TBL3: variants seen among roughly 807,000 people sequenced by gnomAD.
TBL3 encodes transducin beta-like protein 3.
TBL3 carries 71 observed loss-of-function variants against 102.7 expected under a neutral mutation model. The ratio of observed to expected loss-of-function variants is 0.69; its 90% CI spans 0.57 to 0.84. The LOEUF (loss-of-function observed/expected upper bound fraction) is 0.84. TBL3 is among the 40% of genes least tolerant of loss of function. The pLI, the probability that TBL3 is intolerant of heterozygous loss-of-function variation, is 0.00. For synonymous variants in TBL3, 578 were observed against 477.7 expected, an observed-to-expected ratio of 1.21 and a Z score of -2.74; for missense variants, 1,188 against 1,098.5, an observed-to-expected ratio of 1.08 and a Z score of -1.15.
In TBL3 at chr16:1,978,302, G is replaced by A; in HGVS notation, c.2135-11G>A. The A allele has an allele frequency of 6.2e-7, 1 of 1,609,964 alleles. No homozygotes were observed. Among genetic ancestry groups the A allele is most frequent in the South Asian group, 1.1e-5 (1 of 90,720 alleles). ...GGCTGGGCAAGACGATGAGGGTCCT[G>A]TTGCCCACAGAGGCCCTGCTGCGCT... On this transcript the variant is annotated splice_polypyrimidine_tract_variant and intron_variant, in intron 20 of 21. Transcript: ENST00000568546.
chr16:1,977,700 G>C (rs996462308), intron 17 of TBL3, 30 bp downstream of exon 17: 5 of 1,551,830 alleles, frequency 3.2e-6, no homozygotes, highest in Non-Finnish European at 3.5e-6. Flanking sequence ...GGGAAGAGTC[G>C]GGGTGGAGTG....
chr16:1,974,614 A>G lies in TBL3; in HGVS notation c.314A>G (p.Lys105Arg), dbSNP rs1164511976. 4 of 1,611,430 alleles carry G rather than the reference A, an allele frequency of 2.5e-6. No individual in the cohort carries two copies. In the East Asian group the frequency reaches 6.7e-5, roughly 27 times the overall value. Reference protein sequence around the residue: ...WQEGSVTRLWKAIHTAPVATM... With the variant: ...WQEGSVTRLWRAIHTAPVATM... ...GAGGGCAGCGTTACCCGCCTGTGGA[A>G]GGCGATACACACGGCCCCCGTGGCC... is the stretch of plus-strand genomic sequence containing the variant. The change falls in exon 5 of 22, where the codon AAG becomes AGG. Residue 105 changes from lysine to arginine, a missense_variant. Coordinates refer to ENST00000568546, the MANE Select transcript of TBL3 (RefSeq NM_006453.3).
intron 13 of TBL3, 105 bp from the exon 14 acceptor site, chr16:1,976,709 G>GC (rs889501160): frequency 2.3e-5 from 32 of 1,410,690 alleles, no homozygotes; most frequent in Non-Finnish European, 2.3e-5. Context: ...CCTGGGACAG[G>GC]CCCCGTGGTC....
rs1163728944 is a variant in TBL3, at chr16:1,979,492, G to A, written c.*807G>A. On this transcript the variant is annotated 3_prime_UTR_variant, in exon 22 of 22. Coordinates refer to ENST00000568546, the MANE Select transcript of TBL3 (RefSeq NM_006453.3). ...ACGCGCGCCCCCGCGGGCACGGACAGCTCATCTGCGCGGCTGCTCTCGTAG... is the reference window on the plus strand; with the variant it reads ...ACGCGCGCCCCCGCGGGCACGGACAACTCATCTGCGCGGCTGCTCTCGTAG... 6 of 1,611,810 alleles carry A rather than the reference G, an allele frequency of 3.7e-6. No individual in the cohort carries two copies. The highest frequency in any genetic ancestry group is 4.2e-6 in the Non-Finnish European group (5 of 1,179,476).
chr16:1,980,029 T>C lies in TBL3; in HGVS notation c.*1344T>C. On this transcript the variant is annotated 3_prime_UTR_variant, in exon 22 of 22. Coordinates refer to ENST00000568546, the MANE Select transcript of TBL3 (RefSeq NM_006453.3). ...GTGCCGCAGCAGCACGTCCAGGCTC[T>C]CCTGGGCCTGCGCCTGAAAAGGCCT... 1 of 1,606,728 alleles carries C rather than the reference T, an allele frequency of 6.2e-7. No individual in the cohort carries two copies. The highest frequency in any genetic ancestry group is 8.5e-7 in the Non-Finnish European group (1 of 1,177,908).
Position 1,978,778 on chromosome 16 carries a change from A to G in TBL3, c.*93A>G. On this transcript the variant is annotated 3_prime_UTR_variant, in exon 22 of 22. Transcript: ENST00000568546. ...GCTCTGTCTCTCTGGACTGCAGTCC[A>G]GCCCCCCACCCTGGCCAACACCCTA... 1.3e-6 allele frequency: 2 copies of G among 1,485,280 alleles called. No individual in the cohort carries two copies. Among genetic ancestry groups the G allele is most frequent in the Non-Finnish European group, 1.8e-6 (2 of 1,097,188 alleles). The allele number at this position is 1,485,280 out of a possible 1,614,324, so 92.0% of individuals were successfully genotyped here. A position where few individuals can be genotyped will look rare whatever the true frequency, so the allele number is the denominator to read the frequency against.
At position 1,977,413 on chromosome 16, in the gene TBL3, C is replaced by T; in HGVS notation, c.1729C>T (p.Gln577Ter). ...GGTGGCCTTTGTGAGCCGTGGCACG[C>T]AGCTGCTGTCCAGGTGAGTGGGCTG... ...LKVAFVSRGT[Q>*]LLSSGSDGLV... The change falls in exon 16 of 22, where the codon CAG (glutamine) becomes TAG (stop). Residue 577 changes from glutamine (Q) to a stop codon, truncating the protein, a stop_gained. Coordinates refer to ENST00000568546, the MANE Select transcript of TBL3 (RefSeq NM_006453.3). LOFTEE classifies it high-confidence loss of function. 6.2e-7 allele frequency: 1 copy of T among 1,612,588 alleles called. No homozygotes were observed. The highest frequency in any genetic ancestry group is 8.5e-7 in the Non-Finnish European group (1 of 1,179,926).
In TBL3 at chr16:1,972,073, C is replaced by A. The variant is rs28396225; in HGVS notation, c.-92C>A. The A allele has an allele frequency of 1.5e-6, 2 of 1,325,866 alleles. No homozygotes were observed. Among genetic ancestry groups the A allele is most frequent in the Non-Finnish European group, 2.0e-6 (2 of 1,017,894 alleles). 82.1% of individuals were successfully genotyped at this position (1,325,866 alleles called of 1,614,324 possible). On this transcript the variant is annotated 5_prime_UTR_variant, in exon 1 of 22. Transcript: ENST00000568546. Reference sequence around the variant, plus strand: ...CCATCGCAGCGCGCCGGGAGTGTGGCGTTCTGTGAAGAGTTCGGTGCTAAC... The same window carrying A: ...CCATCGCAGCGCGCCGGGAGTGTGGAGTTCTGTGAAGAGTTCGGTGCTAAC...
In TBL3 at chr16:1,978,337, C is replaced by T. The variant is rs146503346; in HGVS notation, c.2159C>T (p.Thr720Met). Residue 720 changes from threonine (T) to methionine (M), a missense_variant, in exon 21 of 22, where the codon ACG becomes ATG. By Grantham distance (81) the Thr-to-Met change is moderately conservative (BLOSUM62 -1). Transcript: ENST00000568546. ...GAGGCCCTGCTGCGCTTCTGCGTCA[C>T]GTGGAACACCAACTCGCGGCACTGC... is the stretch of plus-strand genomic sequence containing the variant. ...QKEALLRFCV[T>M]WNTNSRHCHE... The T allele has an allele frequency of 4.4e-5, 71 of 1,610,388 alleles. No individual in the cohort carries two copies. Among genetic ancestry groups the T allele is most frequent in the African/African-American group, 2.7e-4 (20 of 75,028 alleles).
chr16:1,979,210 T>C lies in TBL3; in HGVS notation c.*525T>C. On this transcript the variant is annotated 3_prime_UTR_variant, in exon 22 of 22. Transcript: ENST00000568546. ...GTGGGCACGGTGGGGGGAGGGGCGG[T>C]GGCCTGGGAGGGTTCAGGGAAGCCC... The C allele has an allele frequency of 6.9e-7, 1 of 1,454,530 alleles. No individual in the cohort carries two copies. The highest frequency in any genetic ancestry group is 9.0e-7 in the Non-Finnish European group (1 of 1,106,606). 90.1% of individuals were successfully genotyped at this position (1,454,530 alleles called of 1,614,324 possible).
At chr16:1,973,642 G>C (rs1216178488) in intron 1 of TBL3, among the ~76,000 whole-genome samples, 1 of 152,118 alleles carries the variant, frequency 6.6e-6, no homozygotes, top group Non-Finnish European at 1.5e-5. Context: ...GAGTCAGGGA[G>C]GGGAAGAGGT....
chr16:1,975,140 G>A (rs760470763), intron 7 of TBL3, 42 bp downstream of exon 7: 2 of 1,613,392 alleles, frequency 1.2e-6, no homozygotes, highest in Non-Finnish European at 8.5e-7. Context: ...CTTGGAAAGT[G>A]GGGGCTGAGG....
In TBL3 at chr16:1,981,148, T is replaced by C. The variant is rs899418192; in HGVS notation, c.*2463T>C. 6.2e-7 allele frequency: 1 copy of C among 1,613,580 alleles called. No homozygotes were observed. The highest frequency in any genetic ancestry group is 8.5e-7 in the Non-Finnish European group (1 of 1,180,010). On this transcript the variant is annotated 3_prime_UTR_variant, in exon 22 of 22. Transcript: ENST00000568546. ...CTTGATCTGCACCAGGGCTGCCCCTTGCACTGAAACTGGGTATCGGGGGCC... is the reference window on the plus strand; with the variant it reads ...CTTGATCTGCACCAGGGCTGCCCCTCGCACTGAAACTGGGTATCGGGGGCC...
rs1382023984 is a variant in TBL3 at position 1,980,610 on chromosome 16, A to C, written c.*1925A>C. ...GGCTTCACTGGTCCCTGGCGCCCCC[A>C]GGCAAGCCACCGCCTTCCCCGCTCC... On this transcript the variant is annotated 3_prime_UTR_variant, in exon 22 of 22. Coordinates refer to ENST00000568546, the MANE Select transcript of TBL3 (RefSeq NM_006453.3). 1.9e-6 allele frequency: 3 copies of C among 1,591,190 alleles called. No individual in the cohort carries two copies. In the South Asian group the frequency reaches 3.4e-5, roughly 18 times the overall value.
rs1389900940 is a variant in TBL3 at position 1,977,636 on chromosome 16, C to G, written c.1865C>G (p.Thr622Ser). 1 of 1,552,924 alleles carries G rather than the reference C, an allele frequency of 6.4e-7. No homozygotes were observed. The highest frequency in any genetic ancestry group is 8.7e-7 in the Non-Finnish European group (1 of 1,147,786). Residue 622 changes from threonine (T) to serine (S), a missense_variant, in exon 17 of 22, where the codon ACT becomes AGT. Thr to Ser is a moderately conservative substitution (Grantham distance 58, BLOSUM62 1). Coordinates refer to ENST00000568546, the MANE Select transcript of TBL3 (RefSeq NM_006453.3). ...HCSRLDDHAL[T>S]GASDSRVILW... is the part of the protein sequence containing the mutation. ...AGCCGGCTGGACGACCACGCCCTCA[C>G]TGGGGCCAGTGACTCCCGAGTCATC...
intron 1 of TBL3, 58 bp from the exon 2 acceptor site, chr16:1,973,998 G>A (rs898520811): frequency 1.3e-5 from 19 of 1,480,890 alleles, no homozygotes; most frequent in Admixed American, 4.7e-5. Flanking sequence ...AGCACAGGGC[G>A]GGGCCCTGGG....
Position 1,973,994 on chromosome 16 carries a change from G to C in TBL3, c.42-62G>C, listed in dbSNP as rs1018203343. On this transcript the variant is annotated intron_variant, in intron 1 of 21. Transcript: ENST00000568546. Reference sequence around the variant, plus strand: ...CACTTGGAGAGGAGCACCTAGCACAGGGCGGGGCCCTGGGGACTGAGGGGG... The same window carrying C: ...CACTTGGAGAGGAGCACCTAGCACACGGCGGGGCCCTGGGGACTGAGGGGG... 4.1e-6 allele frequency: 6 copies of C among 1,481,276 alleles called. No homozygotes were observed. The African/African-American group carries it at 5.6e-5, about 14-fold the overall frequency. 91.8% of individuals were successfully genotyped at this position (1,481,276 alleles called of 1,614,324 possible).
rs771342957 is a variant in TBL3, at chr16:1,978,400, G to A, written c.2222G>A (p.Arg741Gln). The part of the protein sequence containing the change: ...AQAVLGVLLR[R>Q]EAPEELLAYE... Reference sequence around the variant, plus strand: ...GCCGTGCTGGGTGTGCTCTTGAGGCGAGAGGCCCCCGAGGAGCTGCTGGCC... The same window carrying A: ...GCCGTGCTGGGTGTGCTCTTGAGGCAAGAGGCCCCCGAGGAGCTGCTGGCC... Residue 741 changes from arginine (R) to glutamine (Q), a missense_variant, in exon 21 of 22, where the codon CGA (arginine) becomes CAA (glutamine). Arg to Gln is a conservative substitution (Grantham distance 43). Coordinates refer to ENST00000568546, the MANE Select transcript of TBL3 (RefSeq NM_006453.3). 2.0e-5 allele frequency: 33 copies of A among 1,611,430 alleles called. No individual in the cohort carries two copies. The highest frequency in any genetic ancestry group is 3.3e-4 in the Middle Eastern group (2 of 6,080).
intron 15 of TBL3, 28 bp downstream of exon 15, chr16:1,977,312 T>C (rs66748999): frequency 0.085 from 137,611 of 1,612,830 alleles, 6,562 homozygotes; most frequent in African/African-American, 0.094. Flanking sequence ...CCCTCCCCAC[T>C]TCCCGCCCTG....
Sources: gnomAD v4.1 joint callset for allele counts (sites outside exome capture counted in the v4.1 genomes callset) on GRCh38, gnomAD v4.1.1 for gene constraint, MANE v1.5 for transcripts, NCBI Gene and HGNC (gene_info 2026-07-23, HGNC 2026-07-21) for gene names.